TLR4: variants seen among roughly 807,000 people sequenced by gnomAD.
TLR4 encodes the protein toll like receptor 4.
TLR4 carries 17 observed loss-of-function variants against 27.4 expected under a neutral mutation model. The ratio of observed to expected loss-of-function variants is 0.62; its 90% CI spans 0.42 to 0.93. The LOEUF (loss-of-function observed/expected upper bound fraction) is 0.93. TLR4 is among the 40% of genes least tolerant of loss of function. The pLI, the probability that TLR4 is intolerant of heterozygous loss-of-function variation, is 0.00. For synonymous variants in TLR4, 363 were observed against 365.7 expected (o/e 0.99, Z 0.08); for missense variants, 926 against 962.3 (o/e 0.96, Z 0.50).
At chr9:117,705,885 G>T (rs1477430120) in intron 1 of TLR4, among the ~76,000 whole-genome samples, 1 of 151,688 alleles carries the variant, frequency 6.6e-6, no homozygotes, top group Non-Finnish European at 1.5e-5. Context: ...CTTCTACCTA[G>T]AATGCTAGAT....
chr9:117,713,986 G>T lies in TLR4; in HGVS notation c.1858G>T (p.Val620Leu). 1 of 1,614,004 alleles carries T rather than the reference G, an allele frequency of 6.2e-7. No homozygotes were observed. Among genetic ancestry groups the T allele is most frequent in the Non-Finnish European group, 8.5e-7 (1 of 1,179,996 alleles). The change falls in exon 3 of 3, where the codon GTG (valine) becomes TTG (leucine). Residue 620 changes from valine (V) to leucine (L), a missense_variant. Physicochemically the swap from Val to Leu is conservative, Grantham distance 32. Coordinates refer to ENST00000355622, the MANE Select transcript of TLR4 (RefSeq NM_138554.5). ...ACCTTCAGATAAGCAGGGCATGCCT[G>T]TGCTGAGTTTGAATATCACCTGTCA... ...ATPSDKQGMP[V>L]LSLNITCQMN...
chr9:117,705,795 T>G (rs1358980881), intron 1 of TLR4, among the ~76,000 whole-genome samples: 1 of 152,218 alleles, frequency 6.6e-6, no homozygotes, highest in Non-Finnish European at 1.5e-5. Context: ...TCTAACAAAT[T>G]ACTCTCCTTA....
rs1034876535 is a variant in TLR4, at chr9:117,715,542, C to A, written c.*894C>A. Reference sequence around the variant, plus strand: ...GAAAATTTCCGCTTCCTGGTCTTATCATGGACAATTTGGGCTAGAGGCAGG... The same window carrying A: ...GAAAATTTCCGCTTCCTGGTCTTATAATGGACAATTTGGGCTAGAGGCAGG... On this transcript the variant is annotated 3_prime_UTR_variant, in exon 3 of 3. Coordinates refer to ENST00000355622, the MANE Select transcript of TLR4 (RefSeq NM_138554.5). The A allele has an allele frequency of 6.6e-6, 1 of 152,170 alleles. No homozygotes were observed. The highest frequency in any genetic ancestry group is 1.5e-5 in the Non-Finnish European group (1 of 68,024). The allele number at this position is 152,170 out of a possible 1,614,324, so 9.4% of individuals were successfully genotyped here. A position where few individuals can be genotyped will look rare whatever the true frequency, so the allele number is the denominator to read the frequency against.
At chr9:117,708,508 G>A (rs899612134) in intron 1 of TLR4, 55 bp from the exon 2 acceptor site, 4 of 1,611,810 alleles carry the variant, frequency 2.5e-6, no homozygotes, top group Non-Finnish European at 2.5e-6. Context: ...TCTAGGAGAG[G>A]GGAGTTGGGA....
In TLR4 at chr9:117,712,734, C is replaced by A; in HGVS notation, c.606C>A (p.Pro202=). Residue 202 remains proline, a synonymous_variant, in exon 3 of 3, where the codon CCC becomes CCA. Coordinates refer to ENST00000355622, the MANE Select transcript of TLR4 (RefSeq NM_138554.5). ...ACTTGCGGGTTCTACATCAAATGCCCCTACTCAATCTCTCTTTAGACCTGT... is the reference window on the plus strand; with the variant it reads ...ACTTGCGGGTTCTACATCAAATGCCACTACTCAATCTCTCTTTAGACCTGT... ...CTDLRVLHQM[P]LLNLSLDLSL... is the part of the protein sequence containing the mutation. The A allele has an allele frequency of 6.2e-7, 1 of 1,614,022 alleles. No homozygotes were observed. The highest frequency in any genetic ancestry group is 8.5e-7 in the Non-Finnish European group (1 of 1,179,990).
At chr9:117,705,712 C>T (rs1035832873) in intron 1 of TLR4, among the ~76,000 whole-genome samples, 3 of 152,112 alleles carry the variant, frequency 2.0e-5, no homozygotes, top group African/African-American at 4.8e-5. Context: ...AGTCTTCTTC[C>T]TTTAATTCAT....
rs766848848 is a variant in TLR4, at chr9:117,714,511, C to T, written c.2383C>T (p.Leu795=). Residue 795 remains leucine, a synonymous_variant, in exon 3 of 3, where the codon CTG becomes TTG. Transcript: ENST00000355622. The part of the protein sequence containing the change: ...LYRLLSRNTY[L]EWEDSVLGRH... ...CCGCCTTCTCAGCAGGAACACTTAC[C>T]TGGAGTGGGAGGACAGTGTCCTGGG... is the stretch of plus-strand genomic sequence containing the variant. 5.0e-6 allele frequency: 8 copies of T among 1,613,848 alleles called. No individual in the cohort carries two copies. Among genetic ancestry groups the T allele is most frequent in the Non-Finnish European group, 6.8e-6 (8 of 1,180,000 alleles).
chr9:117,717,604 A>G lies in TLR4; in HGVS notation c.*2956A>G, dbSNP rs1272749807. ...CATACATACATGATTGTTTATCTAC[A>G]GATGTATGCCTCAGTTTCTTAGTAT... On this transcript the variant is annotated 3_prime_UTR_variant, in exon 3 of 3. Coordinates refer to ENST00000355622, the MANE Select transcript of TLR4 (RefSeq NM_138554.5). 1 of 152,172 alleles carries G rather than the reference A, an allele frequency of 6.6e-6. No individual in the cohort carries two copies. The highest frequency in any genetic ancestry group is 1.5e-5 in the Non-Finnish European group (1 of 68,026). The allele number at this position is 152,172 out of a possible 1,614,324, so 9.4% of individuals were successfully genotyped here.
In TLR4 at chr9:117,714,455, A is replaced by G; in HGVS notation, c.2327A>G (p.Lys776Arg). 1 of 1,613,914 alleles carries G rather than the reference A, an allele frequency of 6.2e-7. No individual in the cohort carries two copies. Among genetic ancestry groups the G allele is most frequent in the East Asian group, 2.2e-5 (1 of 44,850 alleles). ...IIFIVLQKVE[K>R]TLLRQQVELY... is the part of the protein sequence containing the mutation. ...TTCATTGTCCTGCAGAAGGTGGAGA[A>G]GACCCTGCTCAGGCAGCAGGTGGAG... The change falls in exon 3 of 3, where the codon AAG becomes AGG. Residue 776 changes from lysine to arginine, a missense_variant. Transcript: ENST00000355622.
chr9:117,705,733 C>T (rs953640263), intron 1 of TLR4, among the ~76,000 whole-genome samples: 2 of 152,106 alleles, frequency 1.3e-5, no homozygotes, highest in Non-Finnish European at 2.9e-5. Flanking sequence ...TCTGCACGTT[C>T]TTGTTTGTTA....
At chr9:117,711,916 G>A (rs1376906603) in intron 2 of TLR4, among the ~76,000 whole-genome samples, 1 of 152,064 alleles carries the variant, frequency 6.6e-6, no homozygotes, top group Non-Finnish European at 1.5e-5. Context: ...ACACTTATGT[G>A]TAATTTTTCG....
At position 117,704,533 on chromosome 9, in the gene TLR4, G is replaced by C. The variant is rs112840323; in HGVS notation, c.61G>C (p.Val21Leu). 5 of 1,613,908 alleles carry C rather than the reference G, an allele frequency of 3.1e-6. No homozygotes were observed. The East Asian group carries it at 1.1e-4, about 36-fold the overall frequency. Residue 21 changes from valine to leucine, a missense_variant, in exon 1 of 3, where the codon GTG becomes CTG. Physicochemically the swap from Val to Leu is conservative, Grantham distance 32. Transcript: ENST00000355622. ...LIPAMAFLSC[V>L]RPESWEPCVE... is the part of the protein sequence containing the mutation. ...CCCAGCCATGGCCTTCCTCTCCTGC[G>C]TGAGACCAGAAAGCTGGGAGCCCTG...
intron 1 of TLR4, among the ~76,000 whole-genome samples, chr9:117,707,411 GATA>G (rs770233590): frequency 3.5e-4 from 54 of 152,182 alleles, no homozygotes; most frequent in Non-Finnish European, 6.8e-4. Context: ...AATGATAGAT[GATA>G]ATAATTAATG....
At position 117,714,067 on chromosome 9, in the gene TLR4, G is replaced by T; in HGVS notation, c.1939G>T (p.Val647Leu). Residue 647 changes from valine to leucine, a missense_variant, in exon 3 of 3, where the codon GTA becomes TTA. Val to Leu is a conservative substitution (Grantham distance 32). Coordinates refer to ENST00000355622, the MANE Select transcript of TLR4 (RefSeq NM_138554.5). ...SVLSVLVVSV[V>L]AVLVYKFYFH... ...CCTCAGTGTGCTTGTAGTATCTGTT[G>T]TAGCAGTTCTGGTCTATAAGTTCTA... 6.2e-7 allele frequency: 1 copy of T among 1,613,962 alleles called. No individual in the cohort carries two copies. The highest frequency in any genetic ancestry group is 8.5e-7 in the Non-Finnish European group (1 of 1,179,988).
At position 117,718,572 on chromosome 9, in the gene TLR4, G is replaced by A. The variant is rs1311833846; in HGVS notation, c.*3924G>A. Reference sequence around the variant, plus strand: ...ATTTTTCTGGTGTTTTGAGTAGCGTGGCTTTTGGAGAAAGCCAAAACTCAA... The same window carrying A: ...ATTTTTCTGGTGTTTTGAGTAGCGTAGCTTTTGGAGAAAGCCAAAACTCAA... On this transcript the variant is annotated 3_prime_UTR_variant, in exon 3 of 3. Transcript: ENST00000355622. 6.6e-6 allele frequency: 1 copy of A among 151,728 alleles called. No individual in the cohort carries two copies. The highest frequency in any genetic ancestry group is 1.5e-5 in the Non-Finnish European group (1 of 67,952). The allele number at this position is 151,728 out of a possible 1,614,324, so 9.4% of individuals were successfully genotyped here.
rs1446851575 is a variant in TLR4, at chr9:117,715,534, G to A, written c.*886G>A. 1.3e-5 allele frequency: 2 copies of A among 152,140 alleles called. No individual in the cohort carries two copies. The highest frequency in any genetic ancestry group is 4.8e-5 in the African/African-American group (2 of 41,422). The allele number at this position is 152,140 out of a possible 1,614,324, so 9.4% of individuals were successfully genotyped here. ...AACGGGAAGAAAATTTCCGCTTCCT[G>A]GTCTTATCATGGACAATTTGGGCTA... is the stretch of plus-strand genomic sequence containing the variant. On this transcript the variant is annotated 3_prime_UTR_variant, in exon 3 of 3. Transcript: ENST00000355622.
chr9:117,714,537 G>T lies in TLR4; in HGVS notation c.2409G>T (p.Gly803=). 6.2e-7 allele frequency: 1 copy of T among 1,613,870 alleles called. No individual in the cohort carries two copies. ...TGGAGTGGGAGGACAGTGTCCTGGGGCGGCACATCTTCTGGAGACGACTCA... is the reference window on the plus strand; with the variant it reads ...TGGAGTGGGAGGACAGTGTCCTGGGTCGGCACATCTTCTGGAGACGACTCA... ...TYLEWEDSVL[G]RHIFWRRLRK... is the part of the protein sequence containing the mutation. Residue 803 remains glycine, a synonymous_variant, in exon 3 of 3, where the codon GGG becomes GGT. Transcript: ENST00000355622.
chr9:117,720,649 C>T lies in TLR4; in HGVS notation c.*6001C>T. ...GGAGAAAGGATTGTGTTGTATGCTC[C>T]TAGGAAACTATCTCACTATGTAATT... On this transcript the variant is annotated 3_prime_UTR_variant, in exon 3 of 3. Transcript: ENST00000355622. 1 of 152,136 alleles carries T rather than the reference C, an allele frequency of 6.6e-6. No homozygotes were observed. The highest frequency in any genetic ancestry group is 2.1e-4 in the South Asian group (1 of 4,826). 9.4% of individuals were successfully genotyped at this position (152,136 alleles called of 1,614,324 possible).
chr9:117,704,759 G>T (rs2131160440), intron 1 of TLR4, among the ~76,000 whole-genome samples, 194 bp downstream of exon 1: 1 of 152,178 alleles, frequency 6.6e-6, no homozygotes, highest in African/African-American at 2.4e-5. Flanking sequence ...TGTTCCATTT[G>T]GAAATTTTGA....
Sources: allele counts gnomAD v4.1 joint callset (sites outside exome capture counted in the v4.1 genomes callset), GRCh38; gene constraint gnomAD v4.1.1; transcripts MANE v1.5; gene names NCBI Gene and HGNC (gene_info 2026-07-23, HGNC 2026-07-21).